Variants in RBM4 observed in about 807,000 individuals in gnomAD.
The protein encoded by RBM4 is RNA-binding protein 4.
Under a neutral mutation model 29.5 loss-of-function variants are expected in RBM4, and 7 were observed. The observed-to-expected ratio is 0.24, with a 90% CI of 0.14 to 0.45. The LOEUF (loss-of-function observed/expected upper bound fraction) is 0.45. Among genes scored for constraint, RBM4 ranks in the 20% least tolerant of loss-of-function variants. RBM4 has a pLI of 1.00. For missense variants in RBM4, 387 were observed against 502.3 expected (o/e 0.77, Z 2.19); for synonymous variants, 220 against 205.4 (o/e 1.07, Z -0.61).
At chr11:66,666,241 A>G in exon 3 of RBM4, 1 of 988,380 alleles carries the variant, frequency 1.0e-6, no homozygotes, top group Non-Finnish European at 1.3e-6. Context: ...TCCAGACACC[A>G]ATGGCTGGGG....
At chr11:66,649,054 CTG>C (rs1480629786), downstream of RBM4, among the ~76,000 whole-genome samples, 4 of 151,904 alleles carry the variant, frequency 2.6e-5, no homozygotes, top group Admixed American at 2.0e-4. Context: ...GTTGCCCAGA[CTG>C]GAGTGCAGTG....
At chr11:66,652,161 C>T (rs1055675113) in intron 2 of RBM4, 1 of 151,818 alleles carries the variant, frequency 6.6e-6, no homozygotes, top group South Asian at 2.1e-4. Flanking sequence ...GGTGCAGTCT[C>T]GGCTCACTGC....
intron 1 of RBM4, 114 bp downstream of exon 1, chr11:66,638,866 A>G (rs1283999101): frequency 6.6e-6 from 1 of 152,364 alleles, no homozygotes; most frequent in Non-Finnish European, 1.5e-5. Context: ...CGTCACTGAG[A>G]GCCGACCTCG....
intron 2 of RBM4, among the ~76,000 whole-genome samples, chr11:66,654,505 A>T (rs34900764): frequency 0.41 from 61,297 of 150,284 alleles, 14,890 homozygotes; most frequent in South Asian, 0.59. Flanking sequence ...CAAAAAAAAA[A>T]TTTTTTTTAT....
In RBM4 at chr11:66,658,674, C is replaced by T. The variant is rs911464621; in HGVS notation, c.413-7182C>T. Among the ~76,000 whole-genome samples, 18 of 151,984 alleles carry T rather than the reference C, an allele frequency of 1.2e-4. No individual in the cohort carries two copies. The East Asian group carries it at 1.5e-3, about 13-fold the overall frequency. ...AATATAAGCCAGGCGCAGTGGCTCA[C>T]GCCTGTAATCCCAGCACTTTGGGAG... On this transcript the variant is annotated intron_variant, in intron 2 of 2. Transcript: ENST00000396053.
intron 2 of RBM4, among the ~76,000 whole-genome samples, chr11:66,658,361 T>C (rs1203970626): frequency 6.7e-6 from 1 of 148,204 alleles, no homozygotes; most frequent in African/African-American, 2.5e-5. Flanking sequence ...TTTTTTTTTT[T>C]TCGTTTTGTT....
intron 2 of RBM4, among the ~76,000 whole-genome samples, chr11:66,663,692 GTGTGTGTATA>G (rs771014464): frequency 1.5e-5 from 2 of 134,634 alleles, no homozygotes; most frequent in South Asian, 2.8e-4. Context: ...AGGCAAAAAT[GTGTGTGTATA>G]TGTGTGTGTG....
At position 66,643,217 on chromosome 11, in the gene RBM4, A is replaced by G. The variant is rs1938541960; in HGVS notation, c.413-233A>G. Among the ~76,000 whole-genome samples the G allele has an allele frequency of 6.6e-6, 1 of 151,944 alleles. No individual in the cohort carries two copies. The highest frequency in any genetic ancestry group is 6.5e-5 in the Admixed American group (1 of 15,272). ...AGTAGTTTATTTCTTAAGCATTTAA[A>G]CTGTTGTTATAGCTGAAATATTTCT... On this transcript the variant is annotated intron_variant, in intron 2 of 3. Transcript: ENST00000310092. The surrounding 1 kb of genome is among the most constrained non-coding windows in gnomAD (Gnocchi z 6.1).
At chr11:66,656,119 C>T (rs957206430) in intron 2 of RBM4, among the ~76,000 whole-genome samples, 7 of 151,576 alleles carry the variant, frequency 4.6e-5, no homozygotes, top group Non-Finnish European at 1.0e-4. Flanking sequence ...TACAGGTGCC[C>T]GCCACCATGC....
chr11:66,646,666 A>G (rs1450936260), downstream of RBM4, among the ~76,000 whole-genome samples: 3 of 152,176 alleles, frequency 2.0e-5, no homozygotes, highest in Non-Finnish European at 2.9e-5. Context: ...CCTTATTCCA[A>G]TGAAGACTTT....
intron 2 of RBM4, among the ~76,000 whole-genome samples, chr11:66,663,686 A>T (rs1453006543): frequency 1.4e-5 from 2 of 145,886 alleles, no homozygotes; most frequent in Admixed American, 1.4e-4. Flanking sequence ...GTAACTAGGC[A>T]AAAATGTGTG....
chr11:66,658,307 C>G (rs1262167847), intron 2 of RBM4, among the ~76,000 whole-genome samples: 3 of 125,196 alleles, frequency 2.4e-5, no homozygotes, highest in African/African-American at 8.8e-5. Flanking sequence ...GGATTACAGG[C>G]GTGAGCCACT....
Position 66,640,355 on chromosome 11 carries a change from G to A in RBM4, c.412+232G>A, listed in dbSNP as rs1938389626. 3.2e-5 allele frequency: 20 copies of A among 622,836 alleles called. No homozygotes were observed. In the South Asian group the frequency reaches 3.7e-4, roughly 11 times the overall value. 38.6% of individuals were successfully genotyped at this position (622,836 alleles called of 1,614,324 possible). Reference sequence around the variant, plus strand: ...CTCACCTTTTATTTGGAGCCCCTACGGCTTTTGTGCTTATCAGTGCAGAAA... The same window carrying A: ...CTCACCTTTTATTTGGAGCCCCTACAGCTTTTGTGCTTATCAGTGCAGAAA... On this transcript the variant is annotated intron_variant, in intron 2 of 3. Transcript: ENST00000310092.
At chr11:66,664,255 A>G (rs1004000047) in intron 2 of RBM4, among the ~76,000 whole-genome samples, 14 of 149,946 alleles carry the variant, frequency 9.3e-5, no homozygotes, top group African/African-American at 2.7e-4. Flanking sequence ...GGATCAAGCA[A>G]TTCTCCTGCC....
At chr11:66,640,504 C>T (rs1219218126) in intron 2 of RBM4, 5 of 407,198 alleles carry the variant, frequency 1.2e-5, no homozygotes, top group Non-Finnish European at 2.2e-5. Flanking sequence ...CAGAATTCTG[C>T]ATTTTACGTG....
chr11:66,662,349 T>C (rs1056730493), intron 2 of RBM4, among the ~76,000 whole-genome samples: 8 of 152,334 alleles, frequency 5.3e-5, no homozygotes, highest in South Asian at 4.1e-4. Flanking sequence ...AGAACTCTTT[T>C]GCAGAAAATT....
In RBM4 at chr11:66,643,688, G is replaced by A. The variant is rs1448577452; in HGVS notation, c.651G>A (p.Ala217=). ...TGTATTACAACAACGCGTACGGAGC[G>A]CTCGATGCCTACTACAAGCGCTGCC... ...DSLYYNNAYG[A]LDAYYKRCRA... The change falls in exon 3 of 4, where the codon GCG becomes GCA. Residue 217 remains alanine, a synonymous_variant. Transcript: ENST00000310092. This position sits in a 1 kb window ranked among gnomAD's most constrained non-coding sequence, Gnocchi z 6.1. The A allele has an allele frequency of 3.1e-6, 5 of 1,614,146 alleles. No individual in the cohort carries two copies. The highest frequency in any genetic ancestry group is 1.1e-5 in the South Asian group (1 of 91,088).
intron 2 of RBM4, among the ~76,000 whole-genome samples, chr11:66,654,510 T>A (rs1289126431): frequency 4.6e-5 from 7 of 151,718 alleles, no homozygotes; most frequent in African/African-American, 1.7e-4. Flanking sequence ...AAAAAATTTT[T>A]TTTATTTTTG....
intron 2 of RBM4, among the ~76,000 whole-genome samples, chr11:66,658,663 GCAGTGGCTCACGCCTGTAATCC>G: frequency 6.6e-6 from 1 of 152,016 alleles, no homozygotes; most frequent in South Asian, 2.1e-4. Context: ...TAAGCCAGGC[GCAGTGGCTCACGCCTGTAATCC>G]CAGCACTTTG....
Sources: gnomAD v4.1 joint callset for allele counts (sites outside exome capture counted in the v4.1 genomes callset) on GRCh38, gnomAD v4.1.1 for gene constraint, Gnocchi (gnomAD v3.1) non-coding constraint, MANE v1.5 for transcripts, NCBI Gene and HGNC (gene_info 2026-07-23, HGNC 2026-07-21) for gene names.